Variants in KDM2A observed in about 807,000 individuals in gnomAD.
KDM2A encodes the protein lysine demethylase 2A.
In KDM2A, 3 loss-of-function variants were observed where a neutral mutation model predicts 137.3. The observed-to-expected ratio is 0.02, with a 90% CI of 0.01 to 0.06. The LOEUF (loss-of-function observed/expected upper bound fraction) is 0.06, where lower values mean the gene tolerates loss of function less well. KDM2A is among the 10% of genes least tolerant of loss of function. The probability of loss-of-function intolerance (pLI) is 1.00; values close to 1 mark genes in which losing one functional copy is unlikely to be tolerated. For synonymous variants in KDM2A, 512 were observed against 541.5 expected (o/e 0.95, Z 0.76); for missense variants, 738 against 1,510.6 (o/e 0.49, Z 8.48).
At chr11:67,128,676 C>T (rs1169627239) in intron 2 of KDM2A, among the ~76,000 whole-genome samples, 3 of 152,040 alleles carry the variant, frequency 2.0e-5, no homozygotes, top group African/African-American at 4.8e-5. Flanking sequence ...TAAATTTAAG[C>T]CCTATTATTT....
chr11:67,247,721 G>T (rs11227751), intron 15 of KDM2A, among the ~76,000 whole-genome samples: 5 of 152,044 alleles, frequency 3.3e-5, no homozygotes, highest in African/African-American at 1.2e-4. Context: ...CACCATGCCC[G>T]GCCAACTTTA....
intron 3 of KDM2A, among the ~76,000 whole-genome samples, chr11:67,180,693 C>T (rs1857071915): frequency 6.6e-6 from 1 of 151,868 alleles, no homozygotes; most frequent in African/African-American, 2.4e-5. Flanking sequence ...TGCTGTGTCA[C>T]CCAGGGTGGA....
At chr11:67,123,417 A>G (rs1189062795) in intron 2 of KDM2A, among the ~76,000 whole-genome samples, 1 of 151,194 alleles carries the variant, frequency 6.6e-6, no homozygotes, top group African/African-American at 2.4e-5. Context: ...TGAGATTATA[A>G]TTCTTTATCT....
At chr11:67,217,415 G>A (rs1858200479) in intron 8 of KDM2A, 2 of 331,110 alleles carry the variant, frequency 6.0e-6, no homozygotes, top group Non-Finnish European at 1.1e-5. Flanking sequence ...GTACTACTTA[G>A]GACTCTGGAA....
chr11:67,211,213 T>C (rs1419597203), intron 6 of KDM2A, among the ~76,000 whole-genome samples: 1 of 152,174 alleles, frequency 6.6e-6, no homozygotes, highest in Non-Finnish European at 1.5e-5. Context: ...AAACCAACTT[T>C]ATTGAGGTAA....
At chr11:67,244,858 C>G (rs919380343) in intron 13 of KDM2A, among the ~76,000 whole-genome samples, 6 of 151,908 alleles carry the variant, frequency 3.9e-5, no homozygotes, top group African/African-American at 1.5e-4. Flanking sequence ...TGGTGGTGGG[C>G]ACCTGTAGTC....
chr11:67,225,676 A>T (rs1436040260), intron 10 of KDM2A, among the ~76,000 whole-genome samples: 2 of 152,196 alleles, frequency 1.3e-5, no homozygotes, highest in African/African-American at 2.4e-5. Flanking sequence ...AGGCTGAGGC[A>T]GGAAAATCGC....
In KDM2A at chr11:67,254,270, T is replaced by C; in HGVS notation, c.3159T>C (p.Asp1053=). The part of the protein sequence containing the change: ...DFRLAGLDIT[D]ATLRLIIRHM... The stretch of plus-strand genomic sequence containing the variant: ...GGCTGGCAGGCCTTGACATCACAGA[T>C]GCCACGCTTCGCCTCATAATTCGCC... The change falls in exon 20 of 21, where the codon GAT becomes GAC. Residue 1053 remains aspartate, a synonymous_variant. Transcript: ENST00000529006. The surrounding 1 kb of genome is among the most constrained non-coding windows in gnomAD (Gnocchi z 4.7). The C allele has an allele frequency of 6.2e-7, 1 of 1,614,048 alleles. No homozygotes were observed. Among genetic ancestry groups the C allele is most frequent in the Middle Eastern group, 1.6e-4 (1 of 6,062 alleles).
At chr11:67,235,156 A>G (rs1224845032) in intron 12 of KDM2A, among the ~76,000 whole-genome samples, 4 of 151,674 alleles carry the variant, frequency 2.6e-5, no homozygotes, top group East Asian at 1.9e-4. Flanking sequence ...AAAAAAAAAA[A>G]AAAAGAAAAA....
intron 12 of KDM2A, among the ~76,000 whole-genome samples, chr11:67,240,954 C>T (rs1473681740): frequency 6.6e-6 from 1 of 152,210 alleles, no homozygotes; most frequent in African/African-American, 2.4e-5. Flanking sequence ...AGTTTTCCGC[C>T]TACCCTTCCC....
chr11:67,141,404 C>T (rs746050248), intron 2 of KDM2A, among the ~76,000 whole-genome samples: 16 of 151,828 alleles, frequency 1.1e-4, no homozygotes, highest in East Asian at 1.9e-4. Context: ...CGGTGGCTCA[C>T]GCCTGTAATC....
At chr11:67,193,630 GCAGA>G (rs1014793490) in intron 5 of KDM2A, among the ~76,000 whole-genome samples, 1 of 152,102 alleles carries the variant, frequency 6.6e-6, no homozygotes, top group Non-Finnish European at 1.5e-5. Context: ...GGAGGCTGAG[GCAGA>G]CAGATCACCT....
intron 12 of KDM2A, chr11:67,240,002 C>T (rs1858978483): frequency 1.6e-6 from 2 of 1,265,456 alleles, no homozygotes; most frequent in East Asian, 6.1e-5. Flanking sequence ...GGGCCCTCTG[C>T]CTGGCTCGCT....
At chr11:67,178,378 C>T (rs1857015455) in intron 2 of KDM2A, among the ~76,000 whole-genome samples, 1 of 152,134 alleles carries the variant, frequency 6.6e-6, no homozygotes. Flanking sequence ...GCATTCCAGC[C>T]TGCGCGACAG....
chr11:67,246,237 CAT>C, intron 15 of KDM2A, 121 bp downstream of exon 15: 1 of 1,054,436 alleles, frequency 9.5e-7, no homozygotes, highest in Non-Finnish European at 1.4e-6. Context: ...TCTGTGGTCA[CAT>C]AATGCAGTGG....
intron 17 of KDM2A, among the ~76,000 whole-genome samples, chr11:67,251,779 T>G (rs1859435563): frequency 6.6e-6 from 1 of 152,206 alleles, no homozygotes; most frequent in African/African-American, 2.4e-5. Context: ...CTGGTAAAAT[T>G]GTTTCAGTCT....
chr11:67,210,680 A>G (rs930585268), intron 6 of KDM2A, among the ~76,000 whole-genome samples: 5 of 152,232 alleles, frequency 3.3e-5, no homozygotes, highest in Non-Finnish European at 7.3e-5. Context: ...AGATTGAATG[A>G]GCTATTACCA....
intron 2 of KDM2A, among the ~76,000 whole-genome samples, chr11:67,145,761 CCT>C (rs962322170): frequency 1.3e-5 from 2 of 151,696 alleles, no homozygotes; most frequent in African/African-American, 4.8e-5. Context: ...TGTTTTATGC[CCT>C]CTTATTTACT....
intron 2 of KDM2A, among the ~76,000 whole-genome samples, chr11:67,170,833 C>G (rs368740068): frequency 6.6e-6 from 1 of 152,060 alleles, no homozygotes; most frequent in Admixed American, 6.6e-5. Flanking sequence ...CAATTTCTTC[C>G]GGTTACCTTA....
Sources: allele counts gnomAD v4.1 joint callset (sites outside exome capture counted in the v4.1 genomes callset), GRCh38; gene constraint gnomAD v4.1.1; non-coding constraint Gnocchi (gnomAD v3.1); transcripts MANE v1.5; gene names NCBI Gene and HGNC (gene_info 2026-07-23, HGNC 2026-07-21).